The following TET1 variants were observed in gnomAD, a reference collection of about 807,000 sequenced individuals.
The protein encoded by TET1 is methylcytosine dioxygenase TET1.
In TET1, 13 loss-of-function variants were observed where a neutral mutation model predicts 148.7. That is an observed-to-expected ratio of 0.09 (90% CI 0.06 to 0.14). The LOEUF (loss-of-function observed/expected upper bound fraction) is 0.14. TET1 is among the 10% of genes least tolerant of loss of function. TET1 has a pLI of 1.00. For synonymous variants in TET1, 907 were observed against 937.2 expected (o/e 0.97, Z 0.59); for missense variants, 2,182 against 2,553.8 (o/e 0.85, Z 3.14).
At chr10:68,577,837 G>C (rs934247060) in intron 2 of TET1, among the ~76,000 whole-genome samples, 3 of 151,984 alleles carry the variant, frequency 2.0e-5, no homozygotes, top group African/African-American at 4.8e-5. Flanking sequence ...AACATATCTG[G>C]GTATGTTGGC....
chr10:68,589,662 A>AT (rs57278279), intron 2 of TET1, among the ~76,000 whole-genome samples: 2,192 of 109,600 alleles, frequency 0.02, 1 homozygote, highest in African/African-American at 0.029. Flanking sequence ...AATATCTCCA[A>AT]TTTTTTTTTT....
intron 8 of TET1, chr10:68,674,624 G>T: frequency 2.1e-6 from 1 of 479,860 alleles, no homozygotes; most frequent in Non-Finnish European, 4.0e-6. Context: ...CCATGGCGTG[G>T]ATCTTACCTG....
intron 3 of TET1, among the ~76,000 whole-genome samples, chr10:68,613,346 A>T (rs1017116631): frequency 1.3e-5 from 2 of 152,204 alleles, no homozygotes; most frequent in African/African-American, 4.8e-5. Flanking sequence ...TTTGATGGTC[A>T]AGTGATTTGG....
At chr10:68,624,754 C>T (rs1324748223) in intron 3 of TET1, among the ~76,000 whole-genome samples, 3 of 144,766 alleles carry the variant, frequency 2.1e-5, no homozygotes, top group African/African-American at 7.7e-5. Flanking sequence ...TTTTTTGAGA[C>T]GGAGTCTTGC....
chr10:68,620,320 C>T (rs12763519), intron 3 of TET1, among the ~76,000 whole-genome samples: 20,571 of 152,130 alleles, frequency 0.14, 1,809 homozygotes, highest in South Asian at 0.24. Context: ...TGTCATTCCC[C>T]AATCCTTCCA....
chr10:68,689,754 G>A (rs1014232903), intron 11 of TET1, among the ~76,000 whole-genome samples: 2 of 149,442 alleles, frequency 1.3e-5, no homozygotes, highest in African/African-American at 4.9e-5. Context: ...ACTCCAGCCT[G>A]GGCAACAGAG....
At chr10:68,584,052 A>AT (rs2053831871) in intron 2 of TET1, among the ~76,000 whole-genome samples, 2 of 149,326 alleles carry the variant, frequency 1.3e-5, no homozygotes, top group African/African-American at 2.5e-5. Context: ...TTTTTTTTTA[A>AT]TTTTTTTGAG....
intron 1 of TET1, among the ~76,000 whole-genome samples, 170 bp from the exon 2 acceptor site, chr10:68,572,047 G>T (rs888343527): frequency 6.6e-6 from 1 of 152,174 alleles, no homozygotes; most frequent in South Asian, 2.1e-4. Flanking sequence ...AGCCTGGGTA[G>T]GTCCAGGCTG....
intron 3 of TET1, among the ~76,000 whole-genome samples, chr10:68,619,128 C>T (rs1248543121): frequency 6.6e-6 from 1 of 152,100 alleles, no homozygotes; most frequent in African/African-American, 2.4e-5. Flanking sequence ...ATCAGAGGTG[C>T]AGTCTTGATA....
At chr10:68,687,417 G>A (rs2055529582) in intron 11 of TET1, among the ~76,000 whole-genome samples, 1 of 151,822 alleles carries the variant, frequency 6.6e-6, no homozygotes, top group African/African-American at 2.4e-5. Context: ...CATCTAATTC[G>A]AAGCCCTACT....
chr10:68,654,834 G>C (rs2054998651), intron 6 of TET1, among the ~76,000 whole-genome samples: 2 of 152,190 alleles, frequency 1.3e-5, no homozygotes. Context: ...CTCCTATGAG[G>C]ATGCAATCAT....
chr10:68,631,967 G>A (rs190742341), intron 3 of TET1, among the ~76,000 whole-genome samples: 1 of 151,624 alleles, frequency 6.6e-6, no homozygotes, highest in Non-Finnish European at 1.5e-5. Flanking sequence ...GTCCCTGAAA[G>A]CTATCTTTGA....
Position 68,652,583 on chromosome 10 carries a change from A to T in TET1, c.4450A>T (p.Ile1484Phe), listed in dbSNP as rs562629421. The T allele has an allele frequency of 6.2e-7, 1 of 1,609,006 alleles. No homozygotes were observed. The highest frequency in any genetic ancestry group is 8.5e-7 in the Non-Finnish European group (1 of 1,176,926). ...KEGKSSHGCP[I>F]AKWVLRRSSD... The stretch of plus-strand genomic sequence containing the variant: ...AGGGAAAAGCTCTCATGGGTGTCCA[A>T]TTGCTAAGTGGGTAAGTATTTCCTA... Residue 1484 changes from isoleucine (I) to phenylalanine (F), a missense_variant, in exon 6 of 12, where the codon ATT (isoleucine) becomes TTT (phenylalanine). Physicochemically the swap from Ile to Phe is conservative, Grantham distance 21. Coordinates refer to ENST00000373644, the MANE Select transcript of TET1 (RefSeq NM_030625.3).
intron 6 of TET1, among the ~76,000 whole-genome samples, chr10:68,656,967 C>T (rs905054015): frequency 1.3e-5 from 2 of 150,788 alleles, no homozygotes; most frequent in Non-Finnish European, 2.9e-5. Context: ...CGGAGGTTGC[C>T]GTCAGCCAAG....
At chr10:68,566,777 A>ACT (rs2053611830) in intron 1 of TET1, among the ~76,000 whole-genome samples, 1 of 151,520 alleles carries the variant, frequency 6.6e-6, no homozygotes, top group Non-Finnish European at 1.5e-5. Context: ...TCTGAGTTAA[A>ACT]CTGGTTCCAT....
intron 3 of TET1, among the ~76,000 whole-genome samples, chr10:68,628,583 T>C (rs1049006481): frequency 1.3e-5 from 2 of 152,136 alleles, no homozygotes; most frequent in Non-Finnish European, 2.9e-5. Context: ...TAGAGAGCTG[T>C]GTAGGGATAG....
intron 8 of TET1, among the ~76,000 whole-genome samples, chr10:68,678,056 C>T (rs2133211951): frequency 6.6e-6 from 1 of 152,338 alleles, no homozygotes; most frequent in South Asian, 2.1e-4. Context: ...CCACCACGCC[C>T]AGCCAGAATC....
chr10:68,621,234 C>CTTGTTGTTG (rs368908630), intron 3 of TET1, among the ~76,000 whole-genome samples: 11 of 151,772 alleles, frequency 7.2e-5, no homozygotes, highest in South Asian at 2.1e-4. Flanking sequence ...CTAGGTGTTT[C>CTTGTTGTTG]TTGTTGTTGT....
chr10:68,595,658 C>A (rs1467428036), intron 2 of TET1, among the ~76,000 whole-genome samples: 1 of 127,348 alleles, frequency 7.9e-6, no homozygotes, highest in Non-Finnish European at 1.6e-5. Context: ...ATTATGTCAC[C>A]CAGGCTGGAG....
Sources: gnomAD v4.1 joint callset for allele counts (sites outside exome capture counted in the v4.1 genomes callset) on GRCh38, gnomAD v4.1.1 for gene constraint, MANE v1.5 for transcripts, NCBI Gene and HGNC (gene_info 2026-07-23, HGNC 2026-07-21) for gene names.